TBC1D19: variants seen among roughly 807,000 people sequenced by gnomAD.
TBC1D19 encodes the protein TBC1 domain family, member 19.
In TBC1D19, 60 loss-of-function variants were observed where a neutral mutation model predicts 89.0. That is an observed-to-expected ratio of 0.67 (90% confidence interval 0.55 to 0.84). The LOEUF is 0.84. TBC1D19 is among the 40% of genes least tolerant of loss of function. The pLI is 0.00. For synonymous variants in TBC1D19, 189 were observed against 199.7 expected (o/e 0.95, Z 0.45); for missense variants, 500 against 610.8 (o/e 0.82, Z 1.91).
Position 26,620,763 on chromosome 4 carries a change from G to A in TBC1D19, c.294+75G>A, listed in dbSNP as rs1468824301. 6 of 1,308,602 alleles carry A rather than the reference G, an allele frequency of 4.6e-6. No individual in the cohort carries two copies. In the East Asian group the frequency reaches 9.4e-5, roughly 21 times the overall value. The allele number at this position is 1,308,602 out of a possible 1,614,324, so 81.1% of individuals were successfully genotyped here. The stretch of plus-strand genomic sequence containing the variant: ...TACAGAGCAAAAGATCATTACTGAT[G>A]TCAGGAGTATGTATTATTAATTATG... On this transcript the variant is annotated intron_variant, in intron 4 of 20. Coordinates refer to ENST00000264866, the MANE Select transcript of TBC1D19 (RefSeq NM_018317.4).
intron 15 of TBC1D19, among the ~76,000 whole-genome samples, chr4:26,731,078 G>A (rs1717633029): frequency 6.6e-6 from 1 of 152,192 alleles, no homozygotes; most frequent in East Asian, 1.9e-4. Flanking sequence ...ATACGTAAGC[G>A]TACACAGGTA....
At chr4:26,607,634 A>G (rs751759230) in intron 1 of TBC1D19, among the ~76,000 whole-genome samples, 1 of 152,198 alleles carries the variant, frequency 6.6e-6, no homozygotes, top group Non-Finnish European at 1.5e-5. Flanking sequence ...CTGATAAGCC[A>G]TATTCACTTA....
chr4:26,694,443 C>T (rs1295087507), intron 13 of TBC1D19, among the ~76,000 whole-genome samples: 1 of 152,210 alleles, frequency 6.6e-6, no homozygotes, highest in African/African-American at 2.4e-5. Flanking sequence ...GGAGGCCTGC[C>T]TGCCTCTGTA....
At chr4:26,842,438 G>A in the TBC1D19 span, among the ~76,000 whole-genome samples, 4 of 137,890 alleles carry the variant, frequency 2.9e-5, no homozygotes, top group Non-Finnish European at 6.1e-5. Flanking sequence ...TCCAACTCCT[G>A]GGCACAGGTG....
At chr4:26,781,896 C>T in the TBC1D19 span, among the ~76,000 whole-genome samples, 7 of 150,578 alleles carry the variant, frequency 4.6e-5, no homozygotes, top group African/African-American at 1.7e-4. Context: ...TAAGGCAGAA[C>T]ATTTTTTACT....
intron 17 of TBC1D19, chr4:26,740,954 A>G (rs1243022339): frequency 2.0e-6 from 2 of 985,304 alleles, no homozygotes; most frequent in Non-Finnish European, 2.4e-6. Context: ...AAATGAAGCA[A>G]CACCAGTTAT....
chr4:26,827,980 C>T, the TBC1D19 span, among the ~76,000 whole-genome samples: 1 of 152,028 alleles, frequency 6.6e-6, no homozygotes, highest in Non-Finnish European at 1.5e-5. Flanking sequence ...TCTAAGATCT[C>T]GTTTGGCAGA....
At chr4:26,670,614 G>A (rs148259360) in intron 9 of TBC1D19, among the ~76,000 whole-genome samples, 153 of 151,612 alleles carry the variant, frequency 1.0e-3, no homozygotes, top group African/African-American at 2.3e-3. Context: ...TACAAATCAC[G>A]TATATACAGA....
intron 4 of TBC1D19, among the ~76,000 whole-genome samples, chr4:26,626,262 A>G (rs1226537910): frequency 1.3e-5 from 2 of 152,150 alleles, no homozygotes; most frequent in Non-Finnish European, 2.9e-5. Context: ...GTGTTGTTCA[A>G]GCTTACTGAT....
chr4:26,678,123 T>G (rs2109125619), intron 11 of TBC1D19, among the ~76,000 whole-genome samples: 1 of 152,306 alleles, frequency 6.6e-6, no homozygotes, highest in South Asian at 2.1e-4. Context: ...TCCTAGAGAC[T>G]TGTTGAATGG....
chr4:26,665,325 A>G (rs1378971198), intron 8 of TBC1D19, among the ~76,000 whole-genome samples: 1 of 152,202 alleles, frequency 6.6e-6, no homozygotes, highest in East Asian at 1.9e-4. Context: ...AACTTAAGTA[A>G]TAATAGATAA....
intron 11 of TBC1D19, 107 bp from the exon 12 acceptor site, chr4:26,683,568 G>C (rs1713545137): frequency 1.3e-6 from 1 of 795,918 alleles, no homozygotes; most frequent in Non-Finnish European, 2.0e-6. Flanking sequence ...GCCTAACACT[G>C]AGTTCCTGCC....
intron 13 of TBC1D19, among the ~76,000 whole-genome samples, chr4:26,707,913 T>C (rs376570469): frequency 6.6e-6 from 1 of 152,086 alleles, no homozygotes; most frequent in Non-Finnish European, 1.5e-5. Context: ...CCAGAAATTA[T>C]GTAGAAAACA....
upstream of TBC1D19, among the ~76,000 whole-genome samples, chr4:26,580,640 CAACA>C (rs1739045634): frequency 6.6e-6 from 1 of 152,158 alleles, no homozygotes; most frequent in Non-Finnish European, 1.5e-5. Flanking sequence ...AAATTCCTGT[CAACA>C]AACAGTTGAA....
chr4:26,644,102 C>G (rs1365535801), intron 7 of TBC1D19, among the ~76,000 whole-genome samples: 2 of 152,118 alleles, frequency 1.3e-5, no homozygotes, highest in South Asian at 2.1e-4. Context: ...GATACCAAAG[C>G]CTGGCAGAGA....
chr4:26,583,963 C>T (rs1739245389), upstream of TBC1D19: 1 of 556,710 alleles, frequency 1.8e-6, no homozygotes, highest in Non-Finnish European at 3.2e-6. Flanking sequence ...AGCGTCCTCC[C>T]CGCCCCGGTC....
At chr4:26,734,925 CAT>C (rs140501696) in intron 15 of TBC1D19, among the ~76,000 whole-genome samples, 2,468 of 150,454 alleles carry the variant, frequency 0.016, 54 homozygotes, top group African/African-American at 0.047. Context: ...TGTACATACA[CAT>C]ATATGTGTGT....
At chr4:26,781,509 C>A in the TBC1D19 span, among the ~76,000 whole-genome samples, 1 of 152,182 alleles carries the variant, frequency 6.6e-6, no homozygotes, top group Non-Finnish European at 1.5e-5. Flanking sequence ...CAGAACAGGA[C>A]CTACTGTTCC....
At chr4:26,619,200 T>A (rs1741877230) in intron 3 of TBC1D19, among the ~76,000 whole-genome samples, 1 of 151,938 alleles carries the variant, frequency 6.6e-6, no homozygotes, top group Non-Finnish European at 1.5e-5. Flanking sequence ...ATTTTAATCC[T>A]AAATTTCTTT....
Sources: gnomAD v4.1 joint callset for allele counts (sites outside exome capture counted in the v4.1 genomes callset) on GRCh38, gnomAD v4.1.1 for gene constraint, MANE v1.5 for transcripts, NCBI Gene and HGNC (gene_info 2026-07-23, HGNC 2026-07-21) for gene names.